The following DPP10 variants were observed in gnomAD, a reference collection of about 807,000 sequenced individuals.
DPP10 encodes inactive dipeptidyl peptidase 10.
DPP10 carries 33 observed loss-of-function variants against 120.9 expected under a neutral mutation model. The ratio of observed to expected loss-of-function variants is 0.27; its 90% CI spans 0.21 to 0.37. DPP10 has a LOEUF of 0.37. DPP10 is among the 10% of genes least tolerant of loss of function. The pLI is 1.00. For missense variants in DPP10, 816 were observed against 942.8 expected (o/e 0.87, Z 1.76); for synonymous variants, 337 against 326.1 (o/e 1.03, Z -0.36).
chr2:114,616,925 T>A (rs1693718278), intron 1 of DPP10, among the ~76,000 whole-genome samples: 1 of 152,076 alleles, frequency 6.6e-6, no homozygotes, highest in Non-Finnish European at 1.5e-5. Context: ...CAGCATGACC[T>A]ATGAAGTGTT....
At chr2:115,709,182 A>G (rs2092233033) in intron 7 of DPP10, among the ~76,000 whole-genome samples, 2 of 152,116 alleles carry the variant, frequency 1.3e-5, no homozygotes, top group Admixed American at 1.3e-4. Flanking sequence ...CCTAAGGGCA[A>G]CTGTAGTGGA....
intron 1 of DPP10, among the ~76,000 whole-genome samples, chr2:114,537,615 G>A (rs546992190): frequency 2.0e-5 from 3 of 152,090 alleles, no homozygotes; most frequent in Non-Finnish European, 4.4e-5. Flanking sequence ...GTTCTCAAAG[G>A]CATCTATGGG....
intron 2 of DPP10, among the ~76,000 whole-genome samples, chr2:115,335,017 A>C (rs1438874420): frequency 2.0e-5 from 3 of 151,800 alleles, no homozygotes; most frequent in African/African-American, 7.3e-5. Flanking sequence ...GTTTTATTGG[A>C]CTTACAGTTC....
At chr2:115,591,098 C>T (rs2082630684) in intron 5 of DPP10, among the ~76,000 whole-genome samples, 1 of 152,150 alleles carries the variant, frequency 6.6e-6, no homozygotes, top group Admixed American at 6.5e-5. Flanking sequence ...TTCTCCCATT[C>T]TGTAGGTTGC....
At chr2:114,489,929 T>C (rs1681843982) in intron 1 of DPP10, among the ~76,000 whole-genome samples, 1 of 152,188 alleles carries the variant, frequency 6.6e-6, no homozygotes, top group Admixed American at 6.5e-5. Flanking sequence ...ATGTGAAGAT[T>C]GAAAGAAATA....
chr2:114,510,441 TAAAAATAC>T lies in DPP10; in HGVS notation c.60+67610_60+67617del, dbSNP rs1444919693. ...CAACATGGCGAAAACCTGTCTCTAC[TAAAAATAC>T]AAAAATTAGCTGGGCATGGTTGTGT... On this transcript the variant is annotated intron_variant, in intron 1 of 25. Transcript: ENST00000410059. 1.1e-4 allele frequency among the ~76,000 whole-genome samples: 16 copies of T among 152,078 alleles called. No individual in the cohort carries two copies. The South Asian group carries it at 3.1e-3, about 30-fold the overall frequency.
chr2:115,016,714 AAAG>A (rs755444193), intron 1 of DPP10, among the ~76,000 whole-genome samples: 46 of 152,282 alleles, frequency 3.0e-4, no homozygotes, highest in Middle Eastern at 6.8e-3. Flanking sequence ...ACATTTCTCA[AAAG>A]AAGACATTTA....
chr2:115,688,063 G>A (rs1331338957), intron 5 of DPP10, among the ~76,000 whole-genome samples: 1 of 138,648 alleles, frequency 7.2e-6, no homozygotes, highest in African/African-American at 2.8e-5. Context: ...AGAAAATATT[G>A]ACAGAAGTGG....
chr2:115,458,024 A>T (rs1430064674), intron 3 of DPP10, among the ~76,000 whole-genome samples: 1 of 152,192 alleles, frequency 6.6e-6, no homozygotes, highest in Non-Finnish European at 1.5e-5. Flanking sequence ...AGTCCTGAAA[A>T]CATTATGCTG....
intron 1 of DPP10, among the ~76,000 whole-genome samples, chr2:114,497,432 T>TGCATATATATAG (rs1682771680): frequency 6.7e-6 from 1 of 149,278 alleles, no homozygotes; most frequent in African/African-American, 2.5e-5. Flanking sequence ...TCTATATATA[T>TGCATATATATAG]ATGCATATAT....
intron 1 of DPP10, among the ~76,000 whole-genome samples, chr2:114,860,549 T>C (rs1418097941): frequency 6.6e-6 from 1 of 152,216 alleles, no homozygotes; most frequent in Non-Finnish European, 1.5e-5. Flanking sequence ...TGTATAAGCA[T>C]ATATATTTGA....
intron 3 of DPP10, among the ~76,000 whole-genome samples, chr2:115,443,294 T>C (rs777100356): frequency 6.6e-6 from 1 of 152,190 alleles, no homozygotes; most frequent in Non-Finnish European, 1.5e-5. Flanking sequence ...CTCTCCAGAC[T>C]TTTTTCTCTG....
intron 1 of DPP10, among the ~76,000 whole-genome samples, chr2:115,270,817 T>G (rs935690416): frequency 4.6e-5 from 7 of 152,322 alleles, no homozygotes; most frequent in African/African-American, 1.4e-4. Context: ...CGAGGTAGTG[T>G]TCCAGGAAGC....
Position 115,417,982 on chromosome 2 carries a change from A to G in DPP10, c.271+74070A>G, listed in dbSNP as rs150278878. Among the ~76,000 whole-genome samples the G allele has an allele frequency of 4.4e-3, 670 of 152,262 alleles. 4 individuals carry two copies. The highest frequency in any genetic ancestry group is 7.1e-3 in the Non-Finnish European group (485 of 68,030). ...GGGAATTCTTCAATTGTCTTCCCCAATATGTGTGAGTTGGCTTTGAGGTTA... is the reference window on the plus strand; with the variant it reads ...GGGAATTCTTCAATTGTCTTCCCCAGTATGTGTGAGTTGGCTTTGAGGTTA... On this transcript the variant is annotated intron_variant, in intron 3 of 25. Transcript: ENST00000410059.
rs138102685 is a variant in DPP10, at chr2:115,786,448, T to C, written c.1531+4049T>C. Among the ~76,000 whole-genome samples, 28 of 152,294 alleles carry C rather than the reference T, an allele frequency of 1.8e-4. 2 individuals are homozygous for C. The highest frequency in any genetic ancestry group is 6.5e-4 in the African/African-American group (27 of 41,570). ...ATGATAAACCTTTGACATTTTATTT[T>C]ATTTTTTTTCTGGCCATGGAGTAAC... is the stretch of plus-strand genomic sequence containing the variant. On this transcript the variant is annotated intron_variant, in intron 17 of 25. Transcript: ENST00000410059.
chr2:115,667,374 A>AT (rs978662577), intron 5 of DPP10, among the ~76,000 whole-genome samples: 2 of 151,756 alleles, frequency 1.3e-5, no homozygotes, highest in African/African-American at 2.4e-5. Context: ...GTCAATTTTC[A>AT]TTTTTGTTGC....
chr2:115,333,336 C>T (rs1414843659), intron 2 of DPP10, among the ~76,000 whole-genome samples: 2 of 152,026 alleles, frequency 1.3e-5, no homozygotes, highest in East Asian at 1.9e-4. Flanking sequence ...TGAGATGCGT[C>T]TCCTGAATAC....
rs116366360 is a variant in DPP10 at position 115,098,620 on chromosome 2, C to T, written c.61-210619C>T. On this transcript the variant is annotated intron_variant, in intron 1 of 25. Coordinates refer to ENST00000410059, the MANE Select transcript of DPP10 (RefSeq NM_020868.6). ...ATTCAGTACTATAATCTTACGGCAC[C>T]ACCATTGTATAGGCGGCCCATCATT... Among the ~76,000 whole-genome samples the T allele has an allele frequency of 3.2e-3, 490 of 152,036 alleles. 3 individuals carry two copies. Among genetic ancestry groups the T allele is most frequent in the African/African-American group, 0.011 (471 of 41,440 alleles).
At chr2:115,255,376 C>T (rs955991113) in intron 1 of DPP10, among the ~76,000 whole-genome samples, 6 of 152,198 alleles carry the variant, frequency 3.9e-5, no homozygotes, top group Non-Finnish European at 8.8e-5. Context: ...GCCCACAAAA[C>T]CATTTTTCCT....
Sources: gnomAD v4.1 joint callset for allele counts (sites outside exome capture counted in the v4.1 genomes callset) on GRCh38, gnomAD v4.1.1 for gene constraint, MANE v1.5 for transcripts, NCBI Gene and HGNC (gene_info 2026-07-23, HGNC 2026-07-21) for gene names.